Variants in KSR2 observed in about 807,000 individuals in gnomAD.
The protein encoded by KSR2 is kinase suppressor of ras 2.
Under a neutral mutation model 107.8 loss-of-function variants are expected in KSR2, and 25 were observed. The observed-to-expected ratio is 0.23, with a 90% CI of 0.17 to 0.32. The LOEUF (loss-of-function observed/expected upper bound fraction) is 0.32, where lower values mean the gene tolerates loss of function less well. Ranked by LOEUF, KSR2 falls within the 10% of genes least tolerant of loss-of-function variation. The pLI, the probability that KSR2 is intolerant of heterozygous loss-of-function variation, is 1.00. For synonymous variants in KSR2, 480 were observed against 507.0 expected (o/e 0.95, Z 0.71); for missense variants, 887 against 1,268.9 (o/e 0.70, Z 4.57).
At chr12:117,701,764 G>A (rs1423919231) in intron 4 of KSR2, among the ~76,000 whole-genome samples, 11 of 152,168 alleles carry the variant, frequency 7.2e-5, no homozygotes, top group Admixed American at 7.2e-4. Context: ...GACAGAAGCA[G>A]AGATTGGAAG....
intron 4 of KSR2, among the ~76,000 whole-genome samples, chr12:117,747,757 A>G (rs1888464944): frequency 6.6e-6 from 1 of 152,212 alleles, no homozygotes; most frequent in African/African-American, 2.4e-5. Flanking sequence ...ATGAGATCTC[A>G]CTTCATACCT....
intron 4 of KSR2, among the ~76,000 whole-genome samples, chr12:117,683,501 C>T (rs1885452160): frequency 1.3e-5 from 2 of 152,138 alleles, no homozygotes. Context: ...AAATTAAACA[C>T]ATATCCTATA....
chr12:117,503,218 G>T (rs956071595), intron 14 of KSR2, among the ~76,000 whole-genome samples: 3 of 152,170 alleles, frequency 2.0e-5, no homozygotes, highest in African/African-American at 7.2e-5. Flanking sequence ...TGGGAAAGTT[G>T]CTTAAAAATC....
At position 117,484,422 on chromosome 12, in the gene KSR2, G is replaced by A. The variant is rs370969974; in HGVS notation, c.2444C>T (p.Ala815Val). 3.1e-6 allele frequency: 5 copies of A among 1,613,884 alleles called. No individual in the cohort carries two copies. Among genetic ancestry groups the A allele is most frequent in the Admixed American group, 1.7e-5 (1 of 60,014 alleles). The part of the protein sequence containing the change: ...GLFSISGVLQ[A>V]GRREDKLRIQ... ...TCTTCCCACTGCCTCTCACCTGCCAGCCTGCAGCACCCCAGAAATGCTGAA... is the reference window on the plus strand; with the variant it reads ...TCTTCCCACTGCCTCTCACCTGCCAACCTGCAGCACCCCAGAAATGCTGAA... The change falls in exon 16 of 20, where the codon GCT (alanine) becomes GTT (valine). Residue 815 changes from alanine to valine, a missense_variant. Ala to Val is a moderately conservative substitution (Grantham distance 64). Coordinates refer to ENST00000339824, the MANE Select transcript of KSR2 (RefSeq NM_173598.6).
At chr12:117,512,691 C>T (rs911683450) in intron 14 of KSR2, among the ~76,000 whole-genome samples, 2 of 151,222 alleles carry the variant, frequency 1.3e-5, no homozygotes, top group Non-Finnish European at 2.9e-5. Flanking sequence ...CTCTGAACAG[C>T]GAGATATCTA....
intron 1 of KSR2, among the ~76,000 whole-genome samples, chr12:117,878,377 G>T (rs78008663): frequency 0.029 from 4,371 of 152,208 alleles, 197 homozygotes; most frequent in African/African-American, 0.1. Context: ...GGGCCAAGCT[G>T]GACAGAGAAA....
At chr12:117,605,085 C>A (rs1217647916) in intron 5 of KSR2, among the ~76,000 whole-genome samples, 1 of 152,136 alleles carries the variant, frequency 6.6e-6, no homozygotes, top group African/African-American at 2.4e-5. Context: ...ATGTTTGTGG[C>A]TTTTTCTAAA....
chr12:117,581,699 C>T (rs190537413), intron 6 of KSR2, among the ~76,000 whole-genome samples: 1 of 152,150 alleles, frequency 6.6e-6, no homozygotes, highest in Admixed American at 6.5e-5. Context: ...TGCAAACCCC[C>T]CTCCCTAAAA....
chr12:117,950,737 T>TAAAAA (rs1183707257), intron 1 of KSR2, among the ~76,000 whole-genome samples: 4 of 127,772 alleles, frequency 3.1e-5, no homozygotes, highest in African/African-American at 3.1e-5. Flanking sequence ...CAAGACTCTG[T>TAAAAA]AAAAAAAAAA....
chr12:117,705,272 C>A (rs1053223554), intron 4 of KSR2, among the ~76,000 whole-genome samples: 1 of 152,208 alleles, frequency 6.6e-6, no homozygotes, highest in Non-Finnish European at 1.5e-5. Flanking sequence ...AGGCAACAGA[C>A]GCTCCCAGAG....
intron 1 of KSR2, among the ~76,000 whole-genome samples, chr12:117,924,853 T>C (rs1895461841): frequency 6.6e-6 from 1 of 152,146 alleles, no homozygotes; most frequent in Non-Finnish European, 1.5e-5. Context: ...TATTTGAACA[T>C]GGACTGGATA....
chr12:117,673,588 G>T (rs1332075323), intron 4 of KSR2, among the ~76,000 whole-genome samples: 1 of 152,120 alleles, frequency 6.6e-6, no homozygotes, highest in African/African-American at 2.4e-5. Context: ...AGGGTGGAAA[G>T]AAATCCCATA....
At chr12:117,956,143 G>T (rs1460369468) in intron 1 of KSR2, among the ~76,000 whole-genome samples, 1 of 150,470 alleles carries the variant, frequency 6.6e-6, no homozygotes, top group Non-Finnish European at 1.5e-5. Context: ...CCAGCTACTC[G>T]GGAGGCTAAG....
At chr12:117,639,248 A>G (rs1173499468) in intron 5 of KSR2, among the ~76,000 whole-genome samples, 1 of 152,060 alleles carries the variant, frequency 6.6e-6, no homozygotes, top group Non-Finnish European at 1.5e-5. Context: ...ACATATTAAT[A>G]GATTATAAAC....
intron 1 of KSR2, among the ~76,000 whole-genome samples, chr12:117,904,454 C>T (rs1033856132): frequency 6.6e-6 from 1 of 152,178 alleles, no homozygotes; most frequent in Admixed American, 6.5e-5. Flanking sequence ...TTAACATTTT[C>T]CACATCAACA....
intron 5 of KSR2, among the ~76,000 whole-genome samples, chr12:117,649,697 T>C (rs58378056): frequency 0.02 from 3,090 of 152,022 alleles, 114 homozygotes; most frequent in African/African-American, 0.071. Context: ...GCCCTGGGAG[T>C]GGGGCTGAGT....
intron 1 of KSR2, among the ~76,000 whole-genome samples, chr12:117,863,922 C>T (rs1249874328): frequency 6.6e-6 from 1 of 152,168 alleles, no homozygotes; most frequent in Non-Finnish European, 1.5e-5. Context: ...TATACAGACC[C>T]TTGCAATGAT....
intron 3 of KSR2, among the ~76,000 whole-genome samples, chr12:117,763,608 T>C (rs1889126107): frequency 6.6e-6 from 1 of 152,068 alleles, no homozygotes; most frequent in African/African-American, 2.4e-5. Context: ...GACAATGGGG[T>C]GACACTCAAG....
At chr12:117,572,165 C>T (rs922200894) in intron 7 of KSR2, among the ~76,000 whole-genome samples, 6 of 152,222 alleles carry the variant, frequency 3.9e-5, no homozygotes, top group African/African-American at 1.4e-4. Context: ...GCTGTTTCCT[C>T]GGCCCAGAGC....
Sources: allele counts gnomAD v4.1 joint callset (sites outside exome capture counted in the v4.1 genomes callset), GRCh38; gene constraint gnomAD v4.1.1; transcripts MANE v1.5; gene names NCBI Gene and HGNC (gene_info 2026-07-23, HGNC 2026-07-21).